PCDH11X: variants seen among roughly 807,000 people sequenced by gnomAD.
PCDH11X encodes protocadherin 11 X-linked.
A neutral mutation model predicts 53.3 loss-of-function variants in PCDH11X; 18 were observed. That is an observed-to-expected ratio of 0.34 (90% CI 0.23 to 0.50). PCDH11X has a LOEUF of 0.50. PCDH11X is among the 20% of genes least tolerant of loss of function. The pLI is 0.98. For missense variants in PCDH11X, 570 were observed against 1,032.4 expected (o/e 0.55, Z 6.14); for synonymous variants, 279 against 393.3 (o/e 0.71, Z 3.44).
At chrX:92,135,262 C>T (rs1311499330) in intron 6 of PCDH11X, among the ~76,000 whole-genome samples, 1 of 111,507 alleles carries the variant, frequency 9.0e-6, no homozygotes, top group Non-Finnish European at 1.9e-5. Flanking sequence ...ATCCTACCTT[C>T]TGTTCCTCTC....
intron 6 of PCDH11X, among the ~76,000 whole-genome samples, chrX:92,144,032 G>A (rs1447224288): frequency 1.2e-4 from 13 of 111,918 alleles, no homozygotes; most frequent in African/African-American, 3.6e-4. Flanking sequence ...GGATTTGCAT[G>A]GGCCCTGTAG....
intron 6 of PCDH11X, among the ~76,000 whole-genome samples, chrX:92,058,509 A>G (rs2063483792): frequency 1.8e-5 from 2 of 111,988 alleles, no homozygotes; most frequent in Middle Eastern, 9.3e-3. Context: ...AATTATATAT[A>G]TGTAAAAACG....
At chrX:92,190,826 A>G (rs2066179970) in intron 6 of PCDH11X, among the ~76,000 whole-genome samples, 1 of 111,739 alleles carries the variant, frequency 8.9e-6, no homozygotes, top group Non-Finnish European at 1.9e-5. Context: ...TTTAGAGATT[A>G]CTTATTGTAA....
At chrX:92,472,417 GT>G (rs2073287174) in intron 10 of PCDH11X, among the ~76,000 whole-genome samples, 1 of 83,767 alleles carries the variant, frequency 1.2e-5, no homozygotes, top group African/African-American at 4.7e-5. Flanking sequence ...AAATCAGAGA[GT>G]TGTAGGTGTG....
intron 6 of PCDH11X, among the ~76,000 whole-genome samples, chrX:92,101,879 T>C (rs2064261190): frequency 9.0e-6 from 1 of 110,770 alleles, no homozygotes; most frequent in African/African-American, 3.3e-5. Context: ...TCCTTGAGGA[T>C]AGATTTCCAT....
intron 6 of PCDH11X, among the ~76,000 whole-genome samples, chrX:91,889,299 A>G (rs1433777270): frequency 6.3e-5 from 7 of 111,697 alleles, no homozygotes; most frequent in African/African-American, 2.0e-4. Flanking sequence ...TATGATACTC[A>G]GATTAAATAA....
intron 8 of PCDH11X, among the ~76,000 whole-genome samples, chrX:92,384,872 A>G (rs1456645055): frequency 4.1e-5 from 4 of 98,705 alleles, no homozygotes; most frequent in African/African-American, 1.5e-4. Context: ...TACAAAGGCA[A>G]TCTAGTCCCC....
intron 10 of PCDH11X, among the ~76,000 whole-genome samples, chrX:92,570,594 T>C (rs768289501): frequency 7.2e-4 from 72 of 100,528 alleles, no homozygotes; most frequent in Middle Eastern, 4.9e-3. Flanking sequence ...GAGAAGATAA[T>C]TTTTTAAATG....
chrX:92,224,452 T>A, intron 7 of PCDH11X, among the ~76,000 whole-genome samples: 1 of 111,989 alleles, frequency 8.9e-6, no homozygotes, highest in East Asian at 2.8e-4. Context: ...GTACCTTGAG[T>A]TTCTACATAA....
intron 6 of PCDH11X, chrX:91,882,917 G>T (rs149112240): frequency 1.7e-6 from 2 of 1,184,153 alleles, no homozygotes; most frequent in African/African-American, 3.5e-5. Flanking sequence ...ACTGATTCCA[G>T]GACATCAACT....
intron 8 of PCDH11X, among the ~76,000 whole-genome samples, chrX:92,365,465 C>A (rs1229784323): frequency 4.5e-5 from 5 of 110,123 alleles, no homozygotes; most frequent in Non-Finnish European, 9.5e-5. Flanking sequence ...TGGTCTGGAA[C>A]TCCTGGACTC....
chrX:92,328,675 C>A (rs1167526066), intron 8 of PCDH11X, among the ~76,000 whole-genome samples: 1 of 110,810 alleles, frequency 9.0e-6, no homozygotes, highest in East Asian at 2.8e-4. Context: ...ATACGTTTGA[C>A]AACTTTGATG....
intron 6 of PCDH11X, among the ~76,000 whole-genome samples, chrX:91,955,186 C>G (rs146334265): frequency 0.046 from 5,075 of 110,916 alleles, 269 homozygotes; most frequent in South Asian, 0.16. Flanking sequence ...AGCCAGCACT[C>G]CCAGCACCAG....
chrX:91,788,433 G>GA (rs1446825288), intron 1 of PCDH11X, among the ~76,000 whole-genome samples: 2 of 111,930 alleles, frequency 1.8e-5, no homozygotes, highest in Admixed American at 9.5e-5. Flanking sequence ...AAAATGACTG[G>GA]AAAAGCCCAT....
intron 6 of PCDH11X, among the ~76,000 whole-genome samples, chrX:91,901,187 T>C (rs1940938137): frequency 9.0e-6 from 1 of 111,560 alleles, no homozygotes; most frequent in South Asian, 3.7e-4. Flanking sequence ...ACCTATGAAA[T>C]GTGACTGGGA....
chrX:92,409,181 G>C (rs2071591398), intron 9 of PCDH11X, among the ~76,000 whole-genome samples: 1 of 107,516 alleles, frequency 9.3e-6, no homozygotes, highest in Non-Finnish European at 1.9e-5. Flanking sequence ...TTTTAATCAT[G>C]CAGGACCCAT....
At chrX:91,988,745 T>C (rs930209087) in intron 6 of PCDH11X, among the ~76,000 whole-genome samples, 2 of 112,149 alleles carry the variant, frequency 1.8e-5, no homozygotes, top group African/African-American at 6.5e-5. Context: ...GATGCAGTTG[T>C]CGAACACTAG....
rs1286556153 is a variant in PCDH11X at position 92,313,400 on chromosome X, A to G, written c.3144+50257A>G. 2.9e-5 allele frequency among the ~76,000 whole-genome samples: 3 copies of G among 104,172 alleles called. No individual in the cohort carries two copies. The East Asian group carries it at 8.9e-4, about 31-fold the overall frequency. The allele number at this position is 104,172 out of a possible 115,157, so 90.5% of individuals were successfully genotyped here. A position where few individuals can be genotyped will look rare whatever the true frequency, so the allele number is the denominator to read the frequency against. ...CAAACCTACATCTGGCCAAATACCT[A>G]TACTCTTTCCATCATTATACACTTC... On this transcript the variant is annotated intron_variant, in intron 8 of 10. Coordinates refer to ENST00000682573, the MANE Select transcript of PCDH11X (RefSeq NM_032968.5).
intron 10 of PCDH11X, among the ~76,000 whole-genome samples, chrX:92,508,829 A>G: frequency 9.2e-6 from 1 of 108,939 alleles, no homozygotes; most frequent in South Asian, 4.1e-4. Flanking sequence ...TAATTTTAAA[A>G]GCTTTATTTC....
Sources: gnomAD v4.1 joint callset for allele counts (sites outside exome capture counted in the v4.1 genomes callset) on GRCh38, gnomAD v4.1.1 for gene constraint, MANE v1.5 for transcripts, NCBI Gene and HGNC (gene_info 2026-07-23, HGNC 2026-07-21) for gene names.